ANAPC10: variants seen among roughly 807,000 people sequenced by gnomAD.
ANAPC10 encodes anaphase promoting complex subunit 10, also known as anaphase-promoting complex subunit 10.
ANAPC10 carries 12 observed loss-of-function variants against 22.0 expected under a neutral mutation model. The ratio of observed to expected loss-of-function variants is 0.55; its 90% CI spans 0.35 to 0.88. ANAPC10 has a LOEUF of 0.88. Among genes scored for constraint, ANAPC10 ranks in the 40% least tolerant of loss-of-function variants. The probability of loss-of-function intolerance (pLI) is 0.01; values close to 1 mark genes in which losing one functional copy is unlikely to be tolerated. For synonymous variants in ANAPC10, 65 were observed against 69.5 expected (o/e 0.94, Z 0.32); for missense variants, 188 against 220.9 (o/e 0.85, Z 0.94).
chr4:145,056,508 A>C (rs748391594), intron 4 of ANAPC10, among the ~76,000 whole-genome samples: 3 of 152,092 alleles, frequency 2.0e-5, no homozygotes, highest in African/African-American at 7.2e-5. Flanking sequence ...CACTTTATGG[A>C]TTTGCCCTGA....
chr4:145,067,854 A>T (rs1228099648), intron 3 of ANAPC10, among the ~76,000 whole-genome samples: 1 of 152,232 alleles, frequency 6.6e-6, no homozygotes, highest in Non-Finnish European at 1.5e-5. Flanking sequence ...AAAGTTAGGT[A>T]GAGCCATATG....
chr4:145,081,559 G>A, intron 3 of ANAPC10, 101 bp downstream of exon 3: 1 of 723,224 alleles, frequency 1.4e-6, no homozygotes, highest in Non-Finnish European at 2.3e-6. Flanking sequence ...AAAGTTAAGT[G>A]TATTTCATTG....
chr4:145,071,314 G>A (rs1266977992), intron 3 of ANAPC10, among the ~76,000 whole-genome samples: 2 of 152,206 alleles, frequency 1.3e-5, no homozygotes, highest in Non-Finnish European at 2.9e-5. Context: ...GCTGAGGCAG[G>A]AGAATTGCTT....
At chr4:145,017,045 C>G (rs1394329529) in intron 4 of ANAPC10, among the ~76,000 whole-genome samples, 3 of 152,172 alleles carry the variant, frequency 2.0e-5, no homozygotes, top group Non-Finnish European at 4.4e-5. Context: ...CATTACCATT[C>G]AGGACATAGG....
At chr4:145,084,427 T>C (rs1746563421) in intron 2 of ANAPC10, among the ~76,000 whole-genome samples, 1 of 152,080 alleles carries the variant, frequency 6.6e-6, no homozygotes, top group Non-Finnish European at 1.5e-5. Flanking sequence ...GGCAATACAT[T>C]GGTGTGAAGC....
chr4:145,004,305 T>C (rs1024243216), intron 4 of ANAPC10, among the ~76,000 whole-genome samples: 1 of 152,176 alleles, frequency 6.6e-6, no homozygotes, highest in African/African-American at 2.4e-5. Context: ...TAGTTTGAGT[T>C]CCGATCTTCC....
intron 4 of ANAPC10, among the ~76,000 whole-genome samples, chr4:145,028,913 C>T (rs1206955478): frequency 6.6e-6 from 1 of 152,080 alleles, no homozygotes; most frequent in Non-Finnish European, 1.5e-5. Context: ...AGGTATTAAC[C>T]CCTCAAATCT....
At chr4:145,079,824 GA>G (rs1745704599) in intron 3 of ANAPC10, among the ~76,000 whole-genome samples, 1 of 152,092 alleles carries the variant, frequency 6.6e-6, no homozygotes, top group Non-Finnish European at 1.5e-5. Context: ...ACTAAACACT[GA>G]ATACATGGCT....
intron 4 of ANAPC10, among the ~76,000 whole-genome samples, chr4:145,023,167 A>G (rs1736199957): frequency 6.6e-6 from 1 of 152,188 alleles, no homozygotes; most frequent in Non-Finnish European, 1.5e-5. Flanking sequence ...GCTGAATAAA[A>G]GAAGCCAGAC....
chr4:145,054,887 C>T (rs1019463562), intron 4 of ANAPC10, among the ~76,000 whole-genome samples: 9 of 152,048 alleles, frequency 5.9e-5, no homozygotes, highest in Non-Finnish European at 1.3e-4. Flanking sequence ...TGTGTCTTCC[C>T]GTATCTTATA....
At chr4:145,024,682 T>C (rs1458881524) in intron 4 of ANAPC10, among the ~76,000 whole-genome samples, 1 of 152,198 alleles carries the variant, frequency 6.6e-6, no homozygotes, top group Non-Finnish European at 1.5e-5. Context: ...GGCTTTGTTC[T>C]TCCATTTATA....
At chr4:144,996,789 C>T (rs556737341) in intron 4 of ANAPC10, among the ~76,000 whole-genome samples, 7 of 152,156 alleles carry the variant, frequency 4.6e-5, no homozygotes, top group African/African-American at 1.4e-4. Context: ...CAAACTTCTC[C>T]GAGCTAAAGG....
At chr4:145,007,753 C>T (rs973897571) in intron 4 of ANAPC10, among the ~76,000 whole-genome samples, 12 of 151,438 alleles carry the variant, frequency 7.9e-5, no homozygotes, top group Non-Finnish European at 1.3e-4. Context: ...ACAATAACAT[C>T]ACAATTAAAA....
At chr4:145,023,298 C>T (rs975547834) in intron 4 of ANAPC10, among the ~76,000 whole-genome samples, 2 of 152,092 alleles carry the variant, frequency 1.3e-5, no homozygotes, top group African/African-American at 4.8e-5. Flanking sequence ...AACCGTTAGC[C>T]TTCAGGAAGT....
intron 4 of ANAPC10, among the ~76,000 whole-genome samples, chr4:145,036,565 C>A (rs2127097472): frequency 6.6e-6 from 1 of 152,160 alleles, no homozygotes; most frequent in Admixed American, 6.5e-5. Context: ...TCCAAGCTGG[C>A]CTTGAACTCC....
At chr4:145,055,757 AG>A (rs534567816) in intron 4 of ANAPC10, among the ~76,000 whole-genome samples, 1 of 152,098 alleles carries the variant, frequency 6.6e-6, no homozygotes, top group Non-Finnish European at 1.5e-5. Flanking sequence ...GGCCTGGAGA[AG>A]GGGGAAACTG....
At chr4:145,035,862 C>A (rs1024142074) in intron 4 of ANAPC10, among the ~76,000 whole-genome samples, 3 of 152,300 alleles carry the variant, frequency 2.0e-5, no homozygotes, top group South Asian at 2.1e-4. Context: ...TTACTATACA[C>A]CCCTGGTCTT....
intron 3 of ANAPC10, among the ~76,000 whole-genome samples, chr4:145,068,941 A>G (rs770185793): frequency 6.6e-6 from 1 of 152,212 alleles, no homozygotes; most frequent in Non-Finnish European, 1.5e-5. Context: ...CTCTGTATCA[A>G]TGTTAACTAG....
rs553177434 is a variant in ANAPC10 at position 145,030,551 on chromosome 4, A to C, written c.327+34021T>G. Among the ~76,000 whole-genome samples, 9 of 152,280 alleles carry C rather than the reference A, an allele frequency of 5.9e-5. No homozygotes were observed. In the East Asian group the frequency reaches 1.5e-3, roughly 26 times the overall value. On this transcript the variant is annotated intron_variant, in intron 4 of 4. Coordinates refer to ENST00000507656, the MANE Select transcript of ANAPC10 (RefSeq NM_001256706.2). ...AAGCAGTTAAAGTAGGGGCTTACAGAGGTCAGGTAATTAATGGAGTTTTAG... is the reference window on the plus strand; with the variant it reads ...AAGCAGTTAAAGTAGGGGCTTACAGCGGTCAGGTAATTAATGGAGTTTTAG...
Sources: allele counts gnomAD v4.1 joint callset (sites outside exome capture counted in the v4.1 genomes callset), GRCh38; gene constraint gnomAD v4.1.1; transcripts MANE v1.5; gene names NCBI Gene and HGNC (gene_info 2026-07-23, HGNC 2026-07-21).